The following MCTP1 variants were observed in gnomAD, a reference collection of about 807,000 sequenced individuals.
MCTP1 encodes the protein multiple C2 and transmembrane domain-containing protein 1.
MCTP1 carries 69 observed loss-of-function variants against 120.6 expected under a neutral mutation model. The ratio of observed to expected loss-of-function variants is 0.57; its 90% CI spans 0.47 to 0.70. The LOEUF is 0.70. Ranked by LOEUF, MCTP1 falls within the 30% of genes least tolerant of loss-of-function variation. MCTP1 has a pLI of 0.00. For missense variants in MCTP1, 1,203 were observed against 1,248.8 expected (o/e 0.96, Z 0.55); for synonymous variants, 529 against 493.1 (o/e 1.07, Z -0.96).
chr5:94,785,105 G>A (rs2152960119), intron 18 of MCTP1, among the ~76,000 whole-genome samples: 1 of 152,120 alleles, frequency 6.6e-6, no homozygotes, highest in African/African-American at 2.4e-5. Flanking sequence ...CAAAAAGTAT[G>A]TTACCTTTTA....
At chr5:94,842,038 A>T (rs2153201688) in intron 17 of MCTP1, among the ~76,000 whole-genome samples, 1 of 152,244 alleles carries the variant, frequency 6.6e-6, no homozygotes, top group South Asian at 2.1e-4. Context: ...TCCCACCAAC[A>T]CCCCACCACA....
At chr5:94,775,157 G>A (rs1054780423) in intron 19 of MCTP1, among the ~76,000 whole-genome samples, 1 of 152,162 alleles carries the variant, frequency 6.6e-6, no homozygotes, top group Admixed American at 6.5e-5. Context: ...AGAAAAAGGA[G>A]AAGCAATGTA....
At chr5:95,189,916 C>A (rs1749642861) in intron 1 of MCTP1, among the ~76,000 whole-genome samples, 1 of 151,936 alleles carries the variant, frequency 6.6e-6, no homozygotes, top group Non-Finnish European at 1.5e-5. Flanking sequence ...CTGAACATTT[C>A]CAGAGAATTA....
At chr5:94,720,675 A>T (rs1760696474) in intron 19 of MCTP1, among the ~76,000 whole-genome samples, 1 of 152,222 alleles carries the variant, frequency 6.6e-6, no homozygotes, top group African/African-American at 2.4e-5. Context: ...TTCCTGTAAT[A>T]TTCAAATTGT....
In MCTP1 at chr5:95,018,663, C is replaced by T. The variant is rs558535275; in HGVS notation, c.721-1179G>A. On this transcript the variant is annotated intron_variant, in intron 1 of 22. Coordinates refer to ENST00000515393, the MANE Select transcript of MCTP1 (RefSeq NM_024717.7). ...AATTCACTCCACCTTCTCATGATAT[C>T]CTTGTTTCTATAAATGATTCCTCAG... 3.3e-5 allele frequency among the ~76,000 whole-genome samples: 5 copies of T among 152,160 alleles called. No individual in the cohort carries two copies. The South Asian group carries it at 1.0e-3, about 32-fold the overall frequency.
intron 1 of MCTP1, among the ~76,000 whole-genome samples, chr5:95,092,539 A>G (rs941859532): frequency 6.6e-6 from 1 of 152,218 alleles, no homozygotes; most frequent in African/African-American, 2.4e-5. Flanking sequence ...TGTTCCCAAC[A>G]CAAAGAAATG....
At chr5:95,196,403 C>T (rs911808232) in intron 1 of MCTP1, among the ~76,000 whole-genome samples, 4 of 152,082 alleles carry the variant, frequency 2.6e-5, no homozygotes, top group African/African-American at 9.7e-5. Flanking sequence ...ACAATTTCCT[C>T]AAGAATACAC....
intron 1 of MCTP1, among the ~76,000 whole-genome samples, chr5:95,036,664 C>T (rs962286737): frequency 6.6e-6 from 1 of 152,142 alleles, no homozygotes; most frequent in Non-Finnish European, 1.5e-5. Flanking sequence ...CACATATCAA[C>T]TTTTTAAATG....
chr5:94,919,682 A>G (rs1811044984), intron 7 of MCTP1, among the ~76,000 whole-genome samples: 1 of 152,230 alleles, frequency 6.6e-6, no homozygotes, highest in South Asian at 2.1e-4. Flanking sequence ...ATGACAGCCT[A>G]GAATGACTGT....
intron 1 of MCTP1, among the ~76,000 whole-genome samples, chr5:95,051,759 A>G (rs1246423875): frequency 6.6e-6 from 1 of 152,204 alleles, no homozygotes; most frequent in Non-Finnish European, 1.5e-5. Context: ...GCTGGAGGCC[A>G]TTATTCTAAG....
At position 94,859,481 on chromosome 5, in the gene MCTP1, C is replaced by T. The variant is rs559491555; in HGVS notation, c.2436+8852G>A. The stretch of plus-strand genomic sequence containing the variant: ...CCAACACAAAGAAATGATAAATGTT[C>T]GAGGTGCTGCTTATGCTAATTACTC... On this transcript the variant is annotated intron_variant, in intron 17 of 22. Transcript: ENST00000515393. Among the ~76,000 whole-genome samples the T allele has an allele frequency of 2.3e-4, 35 of 151,726 alleles. No homozygotes were observed. The South Asian group carries it at 3.1e-3, about 14-fold the overall frequency.
chr5:95,201,772 T>A (rs1751087606), intron 1 of MCTP1, among the ~76,000 whole-genome samples: 1 of 152,154 alleles, frequency 6.6e-6, no homozygotes, highest in South Asian at 2.1e-4. Context: ...CCCAAAGTGC[T>A]GGGATTACAG....
intron 1 of MCTP1, among the ~76,000 whole-genome samples, chr5:95,115,690 CGAGA>C (rs1757776009): frequency 6.6e-6 from 1 of 151,650 alleles, no homozygotes; most frequent in Non-Finnish European, 1.5e-5. Context: ...AAGATGAGGT[CGAGA>C]AAGAGATAGA....
chr5:94,908,241 G>A (rs1807445459), intron 10 of MCTP1, among the ~76,000 whole-genome samples: 1 of 152,022 alleles, frequency 6.6e-6, no homozygotes, highest in Admixed American at 6.5e-5. Context: ...GAAATGTAAT[G>A]TAGTATTAGA....
At chr5:94,927,102 C>T (rs1197634820) in intron 6 of MCTP1, among the ~76,000 whole-genome samples, 1 of 152,130 alleles carries the variant, frequency 6.6e-6, no homozygotes, top group East Asian at 1.9e-4. Context: ...GAAATATTGT[C>T]AAAATAGCAA....
intron 17 of MCTP1, among the ~76,000 whole-genome samples, chr5:94,850,591 C>G (rs1180109531): frequency 6.6e-6 from 1 of 152,146 alleles, no homozygotes; most frequent in Non-Finnish European, 1.5e-5. Context: ...AGACTGCACA[C>G]TGCACACTGG....
intron 17 of MCTP1, chr5:94,867,096 C>T: frequency 1.7e-6 from 1 of 604,376 alleles, no homozygotes; most frequent in Non-Finnish European, 2.5e-6. Context: ...TTTTTCTCAT[C>T]AATGTAAAAG....
At chr5:94,960,279 T>C (rs1280766447) in intron 2 of MCTP1, among the ~76,000 whole-genome samples, 1 of 152,146 alleles carries the variant, frequency 6.6e-6, no homozygotes, top group African/African-American at 2.4e-5. Context: ...TCAGGATGGA[T>C]GAAAGATTTA....
At chr5:95,162,712 C>G (rs1045899879) in intron 1 of MCTP1, among the ~76,000 whole-genome samples, 1 of 152,166 alleles carries the variant, frequency 6.6e-6, no homozygotes, top group South Asian at 2.1e-4. Context: ...TTTCATTTCT[C>G]CCAGCTTCAA....
Sources: allele counts gnomAD v4.1 joint callset (sites outside exome capture counted in the v4.1 genomes callset), GRCh38; gene constraint gnomAD v4.1.1; transcripts MANE v1.5; gene names NCBI Gene and HGNC (gene_info 2026-07-23, HGNC 2026-07-21).